CADM1: variants seen among roughly 807,000 people sequenced by gnomAD.
The protein encoded by CADM1 is TSLC-1.
Under a neutral mutation model 53.1 loss-of-function variants are expected in CADM1, and 15 were observed. The observed-to-expected ratio is 0.28, with a 90% CI of 0.19 to 0.44. The LOEUF is 0.44. Among genes scored for constraint, CADM1 ranks in the 20% least tolerant of loss-of-function variants. The pLI is 1.00. For synonymous variants in CADM1, 281 were observed against 243.0 expected (o/e 1.16, Z -1.45); for missense variants, 434 against 611.3 (o/e 0.71, Z 3.06).
chr11:115,402,252 C>G (rs953264340), intron 1 of CADM1, among the ~76,000 whole-genome samples: 1 of 152,120 alleles, frequency 6.6e-6, no homozygotes, highest in Non-Finnish European at 1.5e-5. Flanking sequence ...GGTCCAGGTA[C>G]GGTGGCTCAC....
At chr11:115,229,820 A>C (rs531230951) in intron 4 of CADM1, among the ~76,000 whole-genome samples, 1 of 152,326 alleles carries the variant, frequency 6.6e-6, no homozygotes, top group East Asian at 1.9e-4. Context: ...GGATTTACAT[A>C]ATTGAAATTG....
chr11:115,203,120 C>T (rs921703730), intron 8 of CADM1, among the ~76,000 whole-genome samples: 1 of 151,854 alleles, frequency 6.6e-6, no homozygotes, highest in Non-Finnish European at 1.5e-5. Flanking sequence ...AGATTGTGTG[C>T]TACAGAACAG....
intron 6 of CADM1, among the ~76,000 whole-genome samples, chr11:115,215,269 G>A (rs1195858001): frequency 1.3e-5 from 2 of 152,174 alleles, no homozygotes; most frequent in African/African-American, 4.8e-5. Context: ...TTTTATATCT[G>A]AATAGTGCTT....
At chr11:115,383,179 A>C (rs1219534807) in intron 1 of CADM1, among the ~76,000 whole-genome samples, 1 of 152,232 alleles carries the variant, frequency 6.6e-6, no homozygotes, top group African/African-American at 2.4e-5. Flanking sequence ...TTATCTGTAC[A>C]TAGTATTAGT....
At chr11:115,484,632 TAC>T (rs1231662638) in intron 1 of CADM1, among the ~76,000 whole-genome samples, 12 of 152,218 alleles carry the variant, frequency 7.9e-5, no homozygotes, top group South Asian at 2.1e-4. Context: ...ACTGGTATGC[TAC>T]AGTGAGAAAT....
intron 1 of CADM1, among the ~76,000 whole-genome samples, chr11:115,308,127 C>T (rs1944425338): frequency 7.4e-6 from 1 of 135,878 alleles, no homozygotes; most frequent in African/African-American, 2.9e-5. Context: ...CTGTAAAAGA[C>T]ACAAACTCTC....
In CADM1 at chr11:115,170,201, C is replaced by A. The variant is rs1198014412; in HGVS notation, c.*6273G>T. The A allele has an allele frequency of 6.5e-6, 1 of 153,268 alleles. No homozygotes were observed. The highest frequency in any genetic ancestry group is 1.5e-5 in the Non-Finnish European group (1 of 68,778). 9.5% of individuals were successfully genotyped at this position (153,268 alleles called of 1,614,324 possible). On this transcript the variant is annotated 3_prime_UTR_variant, in exon 12 of 12. Transcript: ENST00000331581. The stretch of plus-strand genomic sequence containing the variant: ...TCTGGAGGGCAGCTGAAGTCCCGGG[C>A]CCAGAGAACCGGTTGATTTGCCCCT...
intron 1 of CADM1, among the ~76,000 whole-genome samples, chr11:115,464,743 C>A (rs938341142): frequency 1.2e-4 from 19 of 152,204 alleles, no homozygotes; most frequent in Non-Finnish European, 2.1e-4. Flanking sequence ...TCTTGCAGAA[C>A]CCTGACTGAA....
intron 1 of CADM1, among the ~76,000 whole-genome samples, chr11:115,496,799 G>C (rs181725182): frequency 4.6e-5 from 7 of 152,198 alleles, no homozygotes; most frequent in Non-Finnish European, 8.8e-5. Flanking sequence ...GGAAAGCTAA[G>C]GAGGGGAAAA....
intron 1 of CADM1, among the ~76,000 whole-genome samples, chr11:115,335,153 G>A (rs1005595091): frequency 7.2e-5 from 11 of 152,140 alleles, no homozygotes; most frequent in East Asian, 3.9e-4. Context: ...ATTTTACCAC[G>A]TCAGGGGTGT....
intron 1 of CADM1, among the ~76,000 whole-genome samples, chr11:115,416,191 A>G (rs933968877): frequency 6.6e-6 from 1 of 152,222 alleles, no homozygotes; most frequent in Non-Finnish European, 1.5e-5. Context: ...AGAAAATTTT[A>G]GCTCCAGGTC....
At chr11:115,276,686 A>G (rs1943454961) in intron 1 of CADM1, among the ~76,000 whole-genome samples, 1 of 152,188 alleles carries the variant, frequency 6.6e-6, no homozygotes, top group Non-Finnish European at 1.5e-5. Context: ...TTTGTCATGT[A>G]CCTAAAAACT....
intron 1 of CADM1, among the ~76,000 whole-genome samples, chr11:115,291,334 C>T (rs569163904): frequency 6.6e-6 from 1 of 152,024 alleles, no homozygotes; most frequent in Non-Finnish European, 1.5e-5. Context: ...AGAAAAAAAC[C>T]CTTTGTGGAA....
intron 8 of CADM1, chr11:115,207,193 CCA>C (rs1034603084): frequency 6.6e-6 from 1 of 152,010 alleles, no homozygotes; most frequent in Non-Finnish European, 1.5e-5. Flanking sequence ...CTTGGGTGTG[CCA>C]GTGAGATTCT....
rs1949785571 is a variant in CADM1 at position 115,503,699 on chromosome 11, G to C, written c.124+572C>G. Among the ~76,000 whole-genome samples the C allele has an allele frequency of 2.0e-5, 3 of 152,216 alleles. No homozygotes were observed. In the South Asian group the frequency reaches 6.2e-4, roughly 31 times the overall value. On this transcript the variant is annotated intron_variant, in intron 1 of 11. Coordinates refer to ENST00000331581, the MANE Select transcript of CADM1 (RefSeq NM_001301043.2). ...AGGCGTGCAGTTTGGGGACAGGGGA[G>C]AAAGGCAGAGCGCGTTGGGGGAAGG...
chr11:115,198,747 C>T lies in CADM1; in HGVS notation c.1079-309G>A, dbSNP rs796468521. Among the ~76,000 whole-genome samples, 34 of 152,262 alleles carry T rather than the reference C, an allele frequency of 2.2e-4. 1 individual carries two copies. The highest frequency in any genetic ancestry group is 7.9e-4 in the African/African-American group (33 of 41,520). On this transcript the variant is annotated intron_variant, in intron 8 of 11. Coordinates refer to ENST00000331581, the MANE Select transcript of CADM1 (RefSeq NM_001301043.2). Reference sequence around the variant, plus strand: ...TGGACATGCAAAGTGATGAGAAACACCAGTGCAAACTCAGTGGCTGGTAGA... The same window carrying T: ...TGGACATGCAAAGTGATGAGAAACATCAGTGCAAACTCAGTGGCTGGTAGA...
At chr11:115,453,645 T>A (rs2135355083) in intron 1 of CADM1, among the ~76,000 whole-genome samples, 1 of 152,194 alleles carries the variant, frequency 6.6e-6, no homozygotes, top group East Asian at 1.9e-4. Context: ...ACTACAGGCA[T>A]GCCCCAACAC....
chr11:115,364,486 C>T (rs1397878557), intron 1 of CADM1, among the ~76,000 whole-genome samples: 2 of 151,870 alleles, frequency 1.3e-5, no homozygotes, highest in Non-Finnish European at 2.9e-5. Flanking sequence ...TCTATCATGG[C>T]CATAAATGTC....
chr11:115,458,485 T>A (rs1948725579), intron 1 of CADM1, among the ~76,000 whole-genome samples: 1 of 122,272 alleles, frequency 8.2e-6, no homozygotes, highest in Admixed American at 9.2e-5. Context: ...TTCCTAAATG[T>A]TAGCTGTAAT....
Sources: gnomAD v4.1 joint callset for allele counts (sites outside exome capture counted in the v4.1 genomes callset) on GRCh38, gnomAD v4.1.1 for gene constraint, MANE v1.5 for transcripts, NCBI Gene and HGNC (gene_info 2026-07-23, HGNC 2026-07-21) for gene names.